Variants in SLC25A20 observed in about 807,000 individuals in gnomAD.
SLC25A20 encodes the protein solute carrier family 25 member 20.
Under a neutral mutation model 39.7 loss-of-function variants are expected in SLC25A20, and 29 were observed. That is an observed-to-expected ratio of 0.73 (90% CI 0.54 to 1.00). The LOEUF (loss-of-function observed/expected upper bound fraction) is 1.00. SLC25A20 is among the 50% of genes least tolerant of loss of function. SLC25A20 has a pLI of 0.00. For missense variants in SLC25A20, 333 were observed against 379.9 expected (o/e 0.88, Z 1.03); for synonymous variants, 103 against 142.2 (o/e 0.72, Z 1.96).
chr3:48,887,764 T>C (rs2083840107), intron 2 of SLC25A20, among the ~76,000 whole-genome samples: 1 of 152,098 alleles, frequency 6.6e-6, no homozygotes, highest in East Asian at 1.9e-4. Context: ...TAGTCGGGCA[T>C]GGTGGCAGAC....
intron 8 of SLC25A20, among the ~76,000 whole-genome samples, chr3:48,857,989 T>TG (rs1430452221): frequency 2.7e-5 from 4 of 147,056 alleles, no homozygotes; most frequent in African/African-American, 1.0e-4. Context: ...TTTTTTGAGA[T>TG]GGAGTTTTGC....
intron 1 of SLC25A20, among the ~76,000 whole-genome samples, chr3:48,895,490 G>A (rs2083904330): frequency 6.6e-6 from 1 of 152,166 alleles, no homozygotes; most frequent in Non-Finnish European, 1.5e-5. Flanking sequence ...CCTTCTCAAG[G>A]TTGCTATTAT....
chr3:48,878,274 ATATAT>A (rs373651075), intron 4 of SLC25A20, among the ~76,000 whole-genome samples: 2,080 of 115,240 alleles, frequency 0.018, 31 homozygotes, highest in Middle Eastern at 0.042. Flanking sequence ...AAAAAAAAAA[ATATAT>A]ATATATATAT....
chr3:48,879,995 G>C (rs2106654377), intron 3 of SLC25A20, among the ~76,000 whole-genome samples: 1 of 152,274 alleles, frequency 6.6e-6, no homozygotes, highest in Non-Finnish European at 1.5e-5. Context: ...GGATGGCTGT[G>C]GCCACCTCTA....
chr3:48,864,669 C>T (rs2083652920), intron 4 of SLC25A20, among the ~76,000 whole-genome samples: 1 of 151,714 alleles, frequency 6.6e-6, no homozygotes, highest in East Asian at 1.9e-4. Flanking sequence ...AGCCAATTCA[C>T]AGTGACCTGG....
chr3:48,859,699 A>G (rs2083608980), intron 5 of SLC25A20, 72 bp from the exon 6 acceptor site: 6 of 1,211,782 alleles, frequency 5.0e-6, no homozygotes, highest in Non-Finnish European at 6.1e-6. Context: ...CACACCTGTA[A>G]TCTCAGCAAT....
intron 3 of SLC25A20, among the ~76,000 whole-genome samples, chr3:48,883,031 CA>C (rs11293883): frequency 0.81 from 115,369 of 142,450 alleles, 46,307 homozygotes; most frequent in East Asian, 0.99. Flanking sequence ...ACTAAAAATA[CA>C]AAAAAAAAAA....
Position 48,862,528 on chromosome 3 carries a change from G to A in SLC25A20, c.535+14C>T. On this transcript the variant is annotated intron_variant, in intron 5 of 8. Coordinates refer to ENST00000319017, the MANE Select transcript of SLC25A20 (RefSeq NM_000387.6). ...CCTCCCCAGGTGACCTCAAGTGGAG[G>A]CCTGAAAGGTTACCTCGCATAAGGG... is the stretch of plus-strand genomic sequence containing the variant. 6.4e-7 allele frequency: 1 copy of A among 1,561,726 alleles called. No individual in the cohort carries two copies. Among genetic ancestry groups the A allele is most frequent in the Non-Finnish European group, 8.8e-7 (1 of 1,132,446 alleles).
Position 48,857,192 on chromosome 3 carries a change from C to T in SLC25A20, c.*518G>A, listed in dbSNP as rs1463380147. ...CTATCTCCTCCTAGGCATATATGCT[C>T]AATCCACTTGGACACAGAGGTGGGC... On this transcript the variant is annotated 3_prime_UTR_variant, in exon 9 of 9. Coordinates refer to ENST00000319017, the MANE Select transcript of SLC25A20 (RefSeq NM_000387.6). The T allele has an allele frequency of 6.1e-6, 1 of 163,224 alleles. No homozygotes were observed. Among genetic ancestry groups the T allele is most frequent in the Non-Finnish European group, 1.3e-5 (1 of 74,100 alleles). The allele number at this position is 163,224 out of a possible 1,614,324, so 10.1% of individuals were successfully genotyped here. A position where few individuals can be genotyped will look rare whatever the true frequency, so the allele number is the denominator to read the frequency against.
chr3:48,864,347 C>CAAAAAAAAA (rs55843120), intron 4 of SLC25A20, among the ~76,000 whole-genome samples: 8 of 48,090 alleles, frequency 1.7e-4, no homozygotes, highest in Non-Finnish European at 2.1e-4. Context: ...GACTCTGTCT[C>CAAAAAAAAA]AAAAAAAAAA....
intron 2 of SLC25A20, 127 bp from the exon 3 acceptor site, chr3:48,884,251 T>G: frequency 8.5e-7 from 1 of 1,173,996 alleles, no homozygotes; most frequent in Non-Finnish European, 1.3e-6. Context: ...AGGAGAACTT[T>G]AAATGGAAGA....
At position 48,858,547 on chromosome 3, in the gene SLC25A20, C is replaced by T. The variant is rs764658807; in HGVS notation, c.803G>A (p.Gly268Glu). The T allele has an allele frequency of 3.1e-6, 5 of 1,614,216 alleles. No homozygotes were observed. Among genetic ancestry groups the T allele is most frequent in the Admixed American group, 1.7e-5 (1 of 60,014 alleles). ...RDEGVTSLYK[G>E]FNAVMIRAFP... ...GGCTCGGATCATCACTGCATTGAAC[C>T]CTTTGTACAAGGATGTGACTCCTTC... Residue 268 changes from glycine (G) to glutamate (E), a missense_variant, in exon 8 of 9, where the codon GGG (glycine) becomes GAG (glutamate). Physicochemically the swap from Gly to Glu is moderately conservative, Grantham distance 98. Coordinates refer to ENST00000319017, the MANE Select transcript of SLC25A20 (RefSeq NM_000387.6).
At chr3:48,893,030 T>C (rs756526502) in intron 1 of SLC25A20, among the ~76,000 whole-genome samples, 93 of 151,778 alleles carry the variant, frequency 6.1e-4, no homozygotes, top group Non-Finnish European at 1.0e-3. Context: ...TATATATATA[T>C]ACTTTTTTTT....
chr3:48,891,995 C>T lies in SLC25A20; in HGVS notation c.183G>A (p.Lys61=). 1.2e-6 allele frequency: 2 copies of T among 1,613,806 alleles called. No homozygotes were observed. Among genetic ancestry groups the T allele is most frequent in the Non-Finnish European group, 1.7e-6 (2 of 1,179,764 alleles). The stretch of plus-strand genomic sequence containing the variant: ...ATATACCAACCTCTCTAAAAAGAGT[C>T]TTCCGGAAACAGTCAAAGGTCCCAG... ...MYSGTFDCFR[K]TLFREGITGL... Residue 61 remains lysine (K), a synonymous_variant, in exon 2 of 9, where the codon AAG becomes AAA. Coordinates refer to ENST00000319017, the MANE Select transcript of SLC25A20 (RefSeq NM_000387.6).
At chr3:48,882,837 C>T (rs1316911266) in intron 3 of SLC25A20, among the ~76,000 whole-genome samples, 1 of 151,916 alleles carries the variant, frequency 6.6e-6, no homozygotes, top group Non-Finnish European at 1.5e-5. Flanking sequence ...TACAGTGAGT[C>T]GTGATTGCAC....
chr3:48,886,613 G>GA (rs2083831618), intron 2 of SLC25A20, among the ~76,000 whole-genome samples: 1 of 151,964 alleles, frequency 6.6e-6, no homozygotes, highest in Non-Finnish European at 1.5e-5. Context: ...ATAAACAACT[G>GA]AAAAAATTGA....
chr3:48,885,200 G>C (rs896683823), intron 2 of SLC25A20, among the ~76,000 whole-genome samples: 1 of 151,990 alleles, frequency 6.6e-6, no homozygotes, highest in Non-Finnish European at 1.5e-5. Context: ...GAGCCAAGGA[G>C]TTCAAGGCTG....
chr3:48,863,846 C>T (rs2083645076), intron 4 of SLC25A20, among the ~76,000 whole-genome samples: 1 of 150,556 alleles, frequency 6.6e-6, no homozygotes, highest in Non-Finnish European at 1.5e-5. Flanking sequence ...GAAACCCTGT[C>T]TCTACTAAAA....
chr3:48,871,268 A>C (rs930352681), intron 4 of SLC25A20, among the ~76,000 whole-genome samples: 24 of 152,088 alleles, frequency 1.6e-4, no homozygotes, highest in African/African-American at 5.8e-4. Flanking sequence ...GATTTTTCTA[A>C]ATTTTCTAAA....
Sources: allele counts gnomAD v4.1 joint callset (sites outside exome capture counted in the v4.1 genomes callset), GRCh38; gene constraint gnomAD v4.1.1; transcripts MANE v1.5; gene names NCBI Gene and HGNC (gene_info 2026-07-23, HGNC 2026-07-21).